The following MALRD1 variants were observed in gnomAD, a reference collection of about 807,000 sequenced individuals.
MALRD1 encodes the protein MAM and LDL receptor class A domain containing 1, also known as MAM and LDL-receptor class A domain-containing protein 1.
A neutral mutation model predicts 242.1 loss-of-function variants in MALRD1; 247 were observed. That is an observed-to-expected ratio of 1.02 (90% CI 0.92 to 1.13). The LOEUF is 1.13. MALRD1 is among the 50% of genes most tolerant of loss of function. The probability of loss-of-function intolerance (pLI) is 0.00; values close to 1 mark genes in which losing one functional copy is unlikely to be tolerated. For missense variants in MALRD1, 2,989 were observed against 2,533.1 expected (o/e 1.18, Z -3.86); for synonymous variants, 995 against 866.6 (o/e 1.15, Z -2.60).
At chr10:19,410,406 T>C (rs1255252603) in intron 28 of MALRD1, among the ~76,000 whole-genome samples, 1 of 152,192 alleles carries the variant, frequency 6.6e-6, no homozygotes, top group Non-Finnish European at 1.5e-5. Context: ...GTCATTTTTC[T>C]CACTACTTAA....
chr10:19,181,909 C>T (rs1007545879), intron 14 of MALRD1, among the ~76,000 whole-genome samples: 6 of 151,750 alleles, frequency 4.0e-5, no homozygotes, highest in Non-Finnish European at 8.8e-5. Context: ...AGAAATGTAT[C>T]GATTTAATAG....
intron 9 of MALRD1, among the ~76,000 whole-genome samples, chr10:19,136,221 G>A (rs1306500301): frequency 6.6e-6 from 1 of 152,134 alleles, no homozygotes; most frequent in African/African-American, 2.4e-5. Flanking sequence ...CTGTAAAGAT[G>A]ATGACCAAGT....
intron 14 of MALRD1, among the ~76,000 whole-genome samples, chr10:19,185,822 TGTG>T (rs1458919237): frequency 4.6e-5 from 7 of 151,842 alleles, no homozygotes; most frequent in African/African-American, 1.7e-4. Context: ...ATAGTGTGTG[TGTG>T]TGTGTGTGTG....
intron 5 of MALRD1, among the ~76,000 whole-genome samples, chr10:19,111,768 T>G (rs1263089519): frequency 2.0e-5 from 3 of 152,256 alleles, no homozygotes; most frequent in Admixed American, 6.5e-5. Context: ...CCTGGTATGT[T>G]CTTTGAAGAT....
chr10:19,323,932 A>G lies in MALRD1; in HGVS notation c.3420-17A>G, dbSNP rs767604754. The G allele has an allele frequency of 6.5e-7, 1 of 1,549,894 alleles. No homozygotes were observed. Among genetic ancestry groups the G allele is most frequent in the African/African-American group, 1.4e-5 (1 of 73,016 alleles). On this transcript the variant is annotated splice_polypyrimidine_tract_variant and intron_variant, in intron 21 of 39. Coordinates refer to ENST00000454679, the MANE Select transcript of MALRD1 (RefSeq NM_001142308.3). ...GGCCTCTTATTCCTTTTATAATATG[A>G]TAAATTCCTTTTCCAGAAATACCAC...
chr10:19,189,165 AGAGTAC>A, intron 14 of MALRD1, among the ~76,000 whole-genome samples: 1 of 152,246 alleles, frequency 6.6e-6, no homozygotes, highest in South Asian at 2.1e-4. Flanking sequence ...TTATAAGATT[AGAGTAC>A]CATATACAAA....
chr10:19,492,409 A>G (rs1292316247), intron 30 of MALRD1, among the ~76,000 whole-genome samples: 1 of 152,172 alleles, frequency 6.6e-6, no homozygotes, highest in Admixed American at 6.5e-5. Flanking sequence ...TTTTTGGGTC[A>G]GTAATTCAGG....
chr10:19,148,748 C>G (rs1400854894), intron 11 of MALRD1, among the ~76,000 whole-genome samples: 5 of 131,266 alleles, frequency 3.8e-5, no homozygotes, highest in Non-Finnish European at 8.1e-5. Flanking sequence ...AAAACGCAGT[C>G]TTTCTCATTT....
intron 26 of MALRD1, among the ~76,000 whole-genome samples, chr10:19,381,678 A>G (rs1845844483): frequency 6.6e-6 from 1 of 151,458 alleles, no homozygotes; most frequent in Non-Finnish European, 1.5e-5. Context: ...AAATACAAAA[A>G]AAAAAAAAAA....
chr10:19,533,244 A>C (rs184680933), intron 32 of MALRD1, among the ~76,000 whole-genome samples: 36 of 152,356 alleles, frequency 2.4e-4, no homozygotes, highest in Admixed American at 1.2e-3. Flanking sequence ...ATAGCCTTTG[A>C]AATAGAAATA....
chr10:19,306,075 CTA>C (rs1554829369), intron 21 of MALRD1, among the ~76,000 whole-genome samples: 1 of 111,804 alleles, frequency 8.9e-6, no homozygotes, highest in African/African-American at 3.6e-5. Context: ...ACTATATATA[CTA>C]TATACTATAT....
chr10:19,288,104 TCTCA>T (rs1564532040), intron 21 of MALRD1, among the ~76,000 whole-genome samples: 1 of 152,016 alleles, frequency 6.6e-6, no homozygotes, highest in East Asian at 1.9e-4. Flanking sequence ...TTTTTTGGAG[TCTCA>T]CTCTGCCACA....
At chr10:19,448,246 T>C (rs1053419059) in intron 28 of MALRD1, among the ~76,000 whole-genome samples, 2 of 152,160 alleles carry the variant, frequency 1.3e-5, no homozygotes, top group African/African-American at 4.8e-5. Flanking sequence ...CATACCTATA[T>C]GCTATAAATC....
chr10:19,465,762 G>C (rs752481281), intron 29 of MALRD1, among the ~76,000 whole-genome samples: 1 of 152,064 alleles, frequency 6.6e-6, no homozygotes, highest in Admixed American at 6.5e-5. Context: ...TCAAACTCCT[G>C]AGCTCAAGCA....
At chr10:19,214,778 G>A (rs1231058147) in intron 18 of MALRD1, among the ~76,000 whole-genome samples, 1 of 152,146 alleles carries the variant, frequency 6.6e-6, no homozygotes, top group Non-Finnish European at 1.5e-5. Flanking sequence ...GAAGTCAGAA[G>A]GAGCCAAATC....
At chr10:19,532,389 G>A (rs545394056) in intron 32 of MALRD1, among the ~76,000 whole-genome samples, 21 of 152,148 alleles carry the variant, frequency 1.4e-4, no homozygotes, top group Non-Finnish European at 1.9e-4. Flanking sequence ...TGAGTAGCTG[G>A]GATCACAGGC....
At chr10:19,300,316 A>G (rs1474779895) in intron 21 of MALRD1, among the ~76,000 whole-genome samples, 4 of 152,154 alleles carry the variant, frequency 2.6e-5, no homozygotes, top group Non-Finnish European at 1.5e-5. Context: ...ATTTAATGCT[A>G]TTTCTATCAA....
chr10:19,133,002 C>T (rs922461322), intron 8 of MALRD1, among the ~76,000 whole-genome samples: 1 of 152,002 alleles, frequency 6.6e-6, no homozygotes, highest in African/African-American at 2.4e-5. Context: ...GTACTGGTGG[C>T]ATCTTGGCTC....
intron 17 of MALRD1, among the ~76,000 whole-genome samples, chr10:19,208,997 G>A (rs573712231): frequency 6.6e-6 from 1 of 152,176 alleles, no homozygotes; most frequent in Non-Finnish European, 1.5e-5. Flanking sequence ...TCATAGAAAT[G>A]GAGAAGAGAT....
Sources: allele counts gnomAD v4.1 joint callset (sites outside exome capture counted in the v4.1 genomes callset), GRCh38; gene constraint gnomAD v4.1.1; transcripts MANE v1.5; gene names NCBI Gene and HGNC (gene_info 2026-07-23, HGNC 2026-07-21).